Variants in ARHGAP24 observed in about 807,000 individuals in gnomAD.
The protein encoded by ARHGAP24 is rho GTPase-activating protein 24.
ARHGAP24 carries 50 observed loss-of-function variants against 76.4 expected under a neutral mutation model. The ratio of observed to expected loss-of-function variants is 0.65; its 90% CI spans 0.52 to 0.83. The LOEUF is 0.83. Ranked by LOEUF, ARHGAP24 falls within the 40% of genes least tolerant of loss-of-function variation. ARHGAP24 has a pLI of 0.00. For synonymous variants in ARHGAP24, 345 were observed against 323.3 expected (o/e 1.07, Z -0.72); for missense variants, 930 against 914.2 (o/e 1.02, Z -0.22).
At chr4:85,838,788 C>G (rs1730432765) in intron 3 of ARHGAP24, among the ~76,000 whole-genome samples, 1 of 152,034 alleles carries the variant, frequency 6.6e-6, no homozygotes, top group Non-Finnish European at 1.5e-5. Flanking sequence ...CCCTCCCCCA[C>G]TAAGTCCATC....
chr4:85,562,823 C>T (rs1247294416), intron 1 of ARHGAP24, among the ~76,000 whole-genome samples: 1 of 152,210 alleles, frequency 6.6e-6, no homozygotes, highest in Non-Finnish European at 1.5e-5. Context: ...CAACAATAGG[C>T]TTTGCCACAT....
At chr4:85,480,396 G>A (rs1192594837) in intron 1 of ARHGAP24, among the ~76,000 whole-genome samples, 1 of 152,034 alleles carries the variant, frequency 6.6e-6, no homozygotes, top group Non-Finnish European at 1.5e-5. Context: ...AAAAAACTCT[G>A]AACTAAATTT....
chr4:85,764,096 T>G (rs1019661110), intron 3 of ARHGAP24, among the ~76,000 whole-genome samples: 3 of 152,164 alleles, frequency 2.0e-5, no homozygotes, highest in Non-Finnish European at 4.4e-5. Context: ...CATGTCATGC[T>G]GAATACCAAG....
At chr4:85,923,832 C>T (rs1039702473) in intron 4 of ARHGAP24, 62 bp downstream of exon 4, 3 of 1,610,464 alleles carry the variant, frequency 1.9e-6, no homozygotes, top group East Asian at 4.5e-5. Flanking sequence ...CATCCCTTTC[C>T]CCCAGCGAAT....
chr4:85,683,105 T>C (rs998189991), intron 2 of ARHGAP24, among the ~76,000 whole-genome samples: 2 of 13,198 alleles, frequency 1.5e-4, no homozygotes, highest in South Asian at 4.7e-3. Flanking sequence ...ACTCTCTCAG[T>C]GTGTGGGGGG....
intron 2 of ARHGAP24, among the ~76,000 whole-genome samples, chr4:85,713,586 G>T (rs1724614100): frequency 6.6e-6 from 1 of 152,038 alleles, no homozygotes. Context: ...AGAAGATCTG[G>T]TTAAGGAAGT....
chr4:85,637,066 T>C (rs1259150178), intron 2 of ARHGAP24, among the ~76,000 whole-genome samples: 3 of 152,094 alleles, frequency 2.0e-5, no homozygotes, highest in Admixed American at 2.0e-4. Context: ...TAGAGCCAAG[T>C]GCAACTGAAA....
At chr4:85,969,198 A>C (rs1035044956) in intron 5 of ARHGAP24, among the ~76,000 whole-genome samples, 4 of 152,122 alleles carry the variant, frequency 2.6e-5, no homozygotes, top group South Asian at 2.1e-4. Flanking sequence ...AAAGTTTCTC[A>C]ATACCATAGT....
chr4:85,978,902 C>T (rs1432536265), intron 8 of ARHGAP24, among the ~76,000 whole-genome samples: 2 of 152,248 alleles, frequency 1.3e-5, no homozygotes, highest in Middle Eastern at 3.4e-3. Context: ...AGTTTTATCA[C>T]CCAAATGGAC....
chr4:85,523,037 C>G (rs1724849560), intron 1 of ARHGAP24, among the ~76,000 whole-genome samples: 1 of 152,176 alleles, frequency 6.6e-6, no homozygotes, highest in African/African-American at 2.4e-5. Flanking sequence ...CTAACACGCT[C>G]CCAGGTGGCT....
intron 1 of ARHGAP24, among the ~76,000 whole-genome samples, chr4:85,549,517 T>C (rs1199949328): frequency 6.6e-6 from 1 of 152,112 alleles, no homozygotes; most frequent in African/African-American, 2.4e-5. Context: ...GTAGGAGTCA[T>C]TTGTATATTA....
Position 85,942,240 on chromosome 4 carries a change from C to A in ARHGAP24, c.566C>A (p.Ala189Asp), listed in dbSNP as rs1400586784. The A allele has an allele frequency of 3.7e-6, 6 of 1,614,008 alleles. No homozygotes were observed. The highest frequency in any genetic ancestry group is 5.1e-6 in the Non-Finnish European group (6 of 1,179,984). The change falls in exon 5 of 10, where the codon GCC (alanine) becomes GAC (aspartate). Residue 189 changes from alanine to aspartate, a missense_variant. Coordinates refer to ENST00000395184, the MANE Select transcript of ARHGAP24 (RefSeq NM_001025616.3). ...QANLVKELQD[A>D]FDCGEKPSFD... ...AATCTTGTTAAGGAGCTCCAAGATG[C>A]CTTTGACTGTGGGGAGAAGCCATCA...
intron 3 of ARHGAP24, among the ~76,000 whole-genome samples, chr4:85,838,461 T>C (rs1578280773): frequency 6.6e-6 from 1 of 152,170 alleles, no homozygotes; most frequent in East Asian, 1.9e-4. Context: ...TAGCCAGTCA[T>C]GGTGGTGGGC....
At chr4:85,955,099 C>T (rs920528935) in intron 5 of ARHGAP24, among the ~76,000 whole-genome samples, 38 of 152,204 alleles carry the variant, frequency 2.5e-4, no homozygotes, top group African/African-American at 8.9e-4. Flanking sequence ...TGCTGCTGTT[C>T]AGTAGTAGAA....
At chr4:85,806,418 G>A (rs74526623) in intron 3 of ARHGAP24, among the ~76,000 whole-genome samples, 4,402 of 152,216 alleles carry the variant, frequency 0.029, 218 homozygotes, top group African/African-American at 0.1. Context: ...AAAATATGCT[G>A]TTTGGCAATA....
intron 4 of ARHGAP24, among the ~76,000 whole-genome samples, chr4:85,926,583 C>G (rs1288614386): frequency 6.6e-6 from 1 of 152,052 alleles, no homozygotes; most frequent in Non-Finnish European, 1.5e-5. Context: ...TTAATAAATT[C>G]TGTTATTGAT....
chr4:85,998,883 C>A (rs1296389761), intron 9 of ARHGAP24, among the ~76,000 whole-genome samples: 1 of 152,170 alleles, frequency 6.6e-6, no homozygotes, highest in Non-Finnish European at 1.5e-5. Context: ...AAAACCTAGA[C>A]CCAAGCTCTG....
chr4:85,485,896 C>G (rs1723032542), intron 1 of ARHGAP24, among the ~76,000 whole-genome samples: 1 of 151,936 alleles, frequency 6.6e-6, no homozygotes, highest in Admixed American at 6.6e-5. Flanking sequence ...CCATGCCTGA[C>G]TACTTTTTAT....
At chr4:85,491,700 A>G (rs546531325) in intron 1 of ARHGAP24, among the ~76,000 whole-genome samples, 4 of 152,124 alleles carry the variant, frequency 2.6e-5, no homozygotes, top group Admixed American at 6.5e-5. Context: ...TCTTAGCCCA[A>G]GGAGGGCTCT....
Sources: gnomAD v4.1 joint callset for allele counts (sites outside exome capture counted in the v4.1 genomes callset) on GRCh38, gnomAD v4.1.1 for gene constraint, MANE v1.5 for transcripts, NCBI Gene and HGNC (gene_info 2026-07-23, HGNC 2026-07-21) for gene names.